The following TPGS2 variants were observed in gnomAD, a reference collection of about 807,000 sequenced individuals.
TPGS2 encodes tubulin polyglutamylase complex subunit 2.
In TPGS2, 26 loss-of-function variants were observed where a neutral mutation model predicts 31.1. The observed-to-expected ratio is 0.84, with a 90% CI of 0.61 to 1.16. The LOEUF (loss-of-function observed/expected upper bound fraction) is 1.16. TPGS2 is among the 50% of genes most tolerant of loss of function. The pLI, the probability that TPGS2 is intolerant of heterozygous loss-of-function variation, is 0.00. For synonymous variants in TPGS2, 130 were observed against 136.6 expected, an observed-to-expected ratio of 0.95 and a Z score of 0.34; for missense variants, 351 against 363.8, an observed-to-expected ratio of 0.96 and a Z score of 0.29.
Position 36,795,169 on chromosome 18 carries a change from T to TCTATCA in TPGS2, c.*1630_*1635dup. 1.0e-6 allele frequency: 1 copy of TCTATCA among 985,402 alleles called. No homozygotes were observed. The highest frequency in any genetic ancestry group is 1.2e-6 in the Non-Finnish European group (1 of 829,930). The allele number at this position is 985,402 out of a possible 1,614,324, so 61.0% of individuals were successfully genotyped here. ...TATCGAAGGCGCTTTCTCATGAATA[T>TCTATCA]CTATCACTATTGTCAACAATCAAAA... On this transcript the variant is annotated 3_prime_UTR_variant, in exon 7 of 7. Coordinates refer to ENST00000334295, the MANE Select transcript of TPGS2 (RefSeq NM_015476.4).
downstream of TPGS2, among the ~76,000 whole-genome samples, chr18:36,782,830 G>T (rs1179565130): frequency 6.6e-6 from 1 of 152,182 alleles, no homozygotes; most frequent in Non-Finnish European, 1.5e-5. Flanking sequence ...ATTTGGAAAT[G>T]AAATGAACGT....
intron 6 of TPGS2, among the ~76,000 whole-genome samples, chr18:36,784,610 T>A (rs1410806274): frequency 3.3e-5 from 5 of 152,226 alleles, no homozygotes; most frequent in African/African-American, 4.8e-5. Context: ...GAAAATGGAC[T>A]TTCTAAGTGA....
At chr18:36,806,359 G>T (rs537538836) in intron 3 of TPGS2, among the ~76,000 whole-genome samples, 7 of 152,252 alleles carry the variant, frequency 4.6e-5, no homozygotes, top group South Asian at 4.1e-4. Flanking sequence ...AAAGGGGCTA[G>T]CCTGTTGCAA....
intron 2 of TPGS2, among the ~76,000 whole-genome samples, chr18:36,814,628 C>A (rs2045573774): frequency 6.6e-6 from 1 of 152,122 alleles, no homozygotes; most frequent in African/African-American, 2.4e-5. Context: ...AGCCAAGGGT[C>A]CAGAGCTGGC....
At chr18:36,788,415 A>G (rs1408979916) in intron 6 of TPGS2, among the ~76,000 whole-genome samples, 2 of 152,204 alleles carry the variant, frequency 1.3e-5, no homozygotes, top group East Asian at 3.9e-4. Context: ...TCTCTGTCCC[A>G]TGAGATGGCC....
chr18:36,784,232 A>T (rs754924365), intron 6 of TPGS2, among the ~76,000 whole-genome samples: 1 of 152,264 alleles, frequency 6.6e-6, no homozygotes, highest in Non-Finnish European at 1.5e-5. Flanking sequence ...AAATGATACA[A>T]CCATCCCAAA....
intron 4 of TPGS2, among the ~76,000 whole-genome samples, chr18:36,802,310 A>G (rs1029963462): frequency 6.6e-6 from 1 of 152,148 alleles, no homozygotes; most frequent in African/African-American, 2.4e-5. Flanking sequence ...AGAAAACTCA[A>G]TGTGGCTCCC....
chr18:36,801,173 T>C (rs1246591353), intron 4 of TPGS2, among the ~76,000 whole-genome samples: 1 of 152,248 alleles, frequency 6.6e-6, no homozygotes, highest in East Asian at 1.9e-4. Context: ...CATGCCCTTA[T>C]ATTCTGGTGC....
Position 36,828,815 on chromosome 18 carries a change from A to G in TPGS2, c.-48T>C, listed in dbSNP as rs772507523. ...GCGGCGGGAGCGGGTGGAGGGCCGG[A>G]CCCCGCCTCAGCGCCGAGGCCAATT... On this transcript the variant is annotated 5_prime_UTR_variant, in exon 1 of 7. Coordinates refer to ENST00000334295, the MANE Select transcript of TPGS2 (RefSeq NM_015476.4). 3 of 1,595,668 alleles carry G rather than the reference A, an allele frequency of 1.9e-6. No individual in the cohort carries two copies. Among genetic ancestry groups the G allele is most frequent in the East Asian group, 2.2e-5 (1 of 44,630 alleles).
At position 36,797,000 on chromosome 18, in the gene TPGS2, T is replaced by C; in HGVS notation, c.708A>G (p.Thr236=). ...KPITYNTNLL[T]EETDSFVNKL... is the part of the protein sequence containing the mutation. ...TATTCACAAAGGAGTCGGTCTCTTC[T>C]GTGAGCAGGTTTGTGTTGTAGGTGA... Residue 236 remains threonine, a synonymous_variant, in exon 7 of 7, where the codon ACA becomes ACG. Coordinates refer to ENST00000334295, the MANE Select transcript of TPGS2 (RefSeq NM_015476.4). 6.2e-7 allele frequency: 1 copy of C among 1,601,530 alleles called. No individual in the cohort carries two copies. The highest frequency in any genetic ancestry group is 8.5e-7 in the Non-Finnish European group (1 of 1,176,632).
chr18:36,784,099 G>A (rs954913909), intron 6 of TPGS2, among the ~76,000 whole-genome samples: 1 of 152,026 alleles, frequency 6.6e-6, no homozygotes, highest in Non-Finnish European at 1.5e-5. Flanking sequence ...ACAGCCGCTC[G>A]ACACCTTGAT....
chr18:36,817,150 G>T (rs572907061), intron 2 of TPGS2, among the ~76,000 whole-genome samples: 2 of 152,264 alleles, frequency 1.3e-5, no homozygotes, highest in Admixed American at 1.3e-4. Flanking sequence ...ATGGAGGTGG[G>T]GGCTGAGTGA....
intron 2 of TPGS2, among the ~76,000 whole-genome samples, chr18:36,815,345 T>C (rs1396847183): frequency 1.3e-5 from 2 of 152,206 alleles, no homozygotes; most frequent in Non-Finnish European, 2.9e-5. Context: ...GGTAAGAAAA[T>C]AGCATGTTGA....
At chr18:36,790,064 A>C (rs1166555127), downstream of TPGS2, 2 of 152,264 alleles carry the variant, frequency 1.3e-5, no homozygotes, top group Non-Finnish European at 2.9e-5. Flanking sequence ...ATTCTATGTG[A>C]AGTCAATACT....
At chr18:36,798,712 CAGAG>C (rs1412765855) in intron 5 of TPGS2, 103 bp from the exon 6 acceptor site, 1 of 1,482,908 alleles carries the variant, frequency 6.7e-7, no homozygotes, top group African/African-American at 1.4e-5. Context: ...AAAATCCCAA[CAGAG>C]AGAATGGAAA....
At chr18:36,798,957 T>C (rs964671080) in intron 5 of TPGS2, among the ~76,000 whole-genome samples, 1 of 152,210 alleles carries the variant, frequency 6.6e-6, no homozygotes, top group Non-Finnish European at 1.5e-5. Context: ...AATACTGTGG[T>C]CTCAGCTTTC....
rs919277214 is a variant in TPGS2 at position 36,823,460 on chromosome 18, GTT to G, written c.86-4489_86-4488del. 4.6e-5 allele frequency among the ~76,000 whole-genome samples: 5 copies of G among 108,096 alleles called. 1 individual carries two copies. The highest frequency in any genetic ancestry group is 5.5e-5 in the Non-Finnish European group (3 of 54,596). 70.9% of individuals were successfully genotyped at this position (108,096 alleles called of 152,430 possible). On this transcript the variant is annotated intron_variant, in intron 1 of 6. Transcript: ENST00000334295. ...TCTCTGACTTCCTTGTTAACAGCTT[GTT>G]TTTTTTTTTTTTTTTTGAGACGGAG...
intron 1 of TPGS2, among the ~76,000 whole-genome samples, chr18:36,828,246 A>T (rs749262144): frequency 5.9e-5 from 9 of 152,188 alleles, no homozygotes; most frequent in Non-Finnish European, 1.2e-4. Context: ...GCAAGGTTGG[A>T]TTCCTTTCAG....
At chr18:36,799,009 A>G (rs2044673549) in intron 5 of TPGS2, among the ~76,000 whole-genome samples, 1 of 152,158 alleles carries the variant, frequency 6.6e-6, no homozygotes, top group Non-Finnish European at 1.5e-5. Context: ...TTTTTTGAAG[A>G]AGTCTCTATC....
Sources: gnomAD v4.1 joint callset for allele counts (sites outside exome capture counted in the v4.1 genomes callset) on GRCh38, gnomAD v4.1.1 for gene constraint, MANE v1.5 for transcripts, NCBI Gene and HGNC (gene_info 2026-07-23, HGNC 2026-07-21) for gene names.